SIMC1: variants seen among roughly 807,000 people sequenced by gnomAD.
The protein encoded by SIMC1 is SUMO-interacting motif-containing protein 1.
SIMC1 carries 55 observed loss-of-function variants against 82.3 expected under a neutral mutation model. The observed-to-expected ratio is 0.67, with a 90% CI of 0.54 to 0.84. The LOEUF (loss-of-function observed/expected upper bound fraction) is 0.84. Ranked by LOEUF, SIMC1 falls within the 40% of genes least tolerant of loss-of-function variation. The probability of loss-of-function intolerance (pLI) is 0.00; values close to 1 mark genes in which losing one functional copy is unlikely to be tolerated. For missense variants in SIMC1, 915 were observed against 1,107.2 expected (o/e 0.83, Z 2.46); for synonymous variants, 353 against 426.3 (o/e 0.83, Z 2.12).
chr5:176,332,836 C>T lies in SIMC1; in HGVS notation c.2172-3884C>T, dbSNP rs150580497. On this transcript the variant is annotated intron_variant, in intron 7 of 9. Coordinates refer to ENST00000429602, the MANE Select transcript of SIMC1 (RefSeq NM_001308195.2). ...ACAAAACTATAGTACAGTATCACAACCAGGATATTGTGATTGACATAAGCC... is the reference window on the plus strand; with the variant it reads ...ACAAAACTATAGTACAGTATCACAATCAGGATATTGTGATTGACATAAGCC... Among the ~76,000 whole-genome samples the T allele has an allele frequency of 4.9e-3, 746 of 152,256 alleles. 4 individuals carry two copies. Among genetic ancestry groups the T allele is most frequent in the Non-Finnish European group, 7.6e-3 (520 of 68,008 alleles).
chr5:176,313,922 A>G (rs1764786060), intron 5 of SIMC1, 77 bp downstream of exon 5: 2 of 1,580,126 alleles, frequency 1.3e-6, no homozygotes, highest in Admixed American at 1.8e-5. Flanking sequence ...CCAGAATATC[A>G]GCCAGGTGAG....
intron 1 of SIMC1, among the ~76,000 whole-genome samples, chr5:176,268,373 C>CAA (rs554849705): frequency 1.0e-4 from 10 of 95,660 alleles, no homozygotes; most frequent in African/African-American, 2.0e-4. Context: ...CAGACTGGAC[C>CAA]AAAAAAAAAA....
At chr5:176,316,219 A>G (rs962624913) in intron 5 of SIMC1, among the ~76,000 whole-genome samples, 2 of 152,182 alleles carry the variant, frequency 1.3e-5, no homozygotes, top group African/African-American at 4.8e-5. Flanking sequence ...AATAATTTAC[A>G]TAATGAGAAC....
intron 2 of SIMC1, among the ~76,000 whole-genome samples, chr5:176,291,330 ATTTTT>A (rs70991527): frequency 2.8e-5 from 2 of 71,610 alleles, no homozygotes; most frequent in Non-Finnish European, 2.6e-5. Context: ...TGCCCGGCTA[ATTTTT>A]TTTTTTTTTT....
At chr5:176,303,325 ATTTTTTT>A (rs374155075) in intron 4 of SIMC1, among the ~76,000 whole-genome samples, 1 of 123,180 alleles carries the variant, frequency 8.1e-6, no homozygotes, top group Non-Finnish European at 1.6e-5. Context: ...AGCCAAAGCA[ATTTTTTT>A]TTTTTTTTTT....
At chr5:176,264,592 T>G (rs1561677958) in intron 1 of SIMC1, among the ~76,000 whole-genome samples, 1 of 151,626 alleles carries the variant, frequency 6.6e-6, no homozygotes. Context: ...CCTCTAGGCC[T>G]TTTTCCCATT....
intron 4 of SIMC1, among the ~76,000 whole-genome samples, chr5:176,311,426 A>G (rs1376911032): frequency 6.6e-6 from 1 of 151,820 alleles, no homozygotes; most frequent in Non-Finnish European, 1.5e-5. Context: ...TTATTTTTGT[A>G]GAGATGGGGG....
chr5:176,270,538 C>T (rs1329195108), intron 1 of SIMC1: 1 of 152,098 alleles, frequency 6.6e-6, no homozygotes, highest in Non-Finnish European at 1.5e-5. Flanking sequence ...ATCACAGTAC[C>T]TGGTTTTAAC....
In SIMC1 at chr5:176,290,338, C is replaced by T. The variant is rs756201624; in HGVS notation, c.814C>T (p.Arg272Trp). The change falls in exon 2 of 10, where the codon CGG (arginine) becomes TGG (tryptophan). Residue 272 changes from arginine to tryptophan, a missense_variant. This residue lies in a region of SIMC1 where 902 missense variants were observed against 1,040.3 expected (regional missense o/e 0.87). Transcript: ENST00000429602. Reference sequence around the variant, plus strand: ...CCCACCTCAAGAAGTGCCATGCCCTCGGCAGAATATCCCAGGCCCACCTCA... The same window carrying T: ...CCCACCTCAAGAAGTGCCATGCCCTTGGCAGAATATCCCAGGCCCACCTCA... ...THPPQEVPCP[R>W]QNIPGPPQDS... 53 of 1,613,982 alleles carry T rather than the reference C, an allele frequency of 3.3e-5. No individual in the cohort carries two copies. The highest frequency in any genetic ancestry group is 4.4e-5 in the South Asian group (4 of 91,066).
intron 4 of SIMC1, among the ~76,000 whole-genome samples, chr5:176,302,870 T>G (rs995039306): frequency 6.6e-6 from 1 of 152,132 alleles, no homozygotes; most frequent in African/African-American, 2.4e-5. Context: ...ATTTGTATAC[T>G]GAAAACTACA....
chr5:176,336,735 T>G lies in SIMC1; in HGVS notation c.2187T>G (p.Thr729=). ...PERSQREMFF[T]TMESHLLRCK... ...CTCCACACAGAGAAATGTTCTTTAC[T>G]ACCATGGAAAGCCACCTTCTGCGCT... is the stretch of plus-strand genomic sequence containing the variant. Residue 729 remains threonine (T), a synonymous_variant, in exon 8 of 10, where the codon ACT becomes ACG. Coordinates refer to ENST00000429602, the MANE Select transcript of SIMC1 (RefSeq NM_001308195.2). 6.2e-7 allele frequency: 1 copy of G among 1,614,034 alleles called. No homozygotes were observed. The highest frequency in any genetic ancestry group is 8.5e-7 in the Non-Finnish European group (1 of 1,179,902).
chr5:176,251,413 A>G (rs796557768), intron 1 of SIMC1, among the ~76,000 whole-genome samples: 203 of 152,206 alleles, frequency 1.3e-3, no homozygotes, highest in African/African-American at 4.7e-3. Flanking sequence ...AGTGGCTGGT[A>G]CCGGTTTTTC....
At chr5:176,284,379 C>T (rs936147988) in intron 1 of SIMC1, among the ~76,000 whole-genome samples, 4 of 152,088 alleles carry the variant, frequency 2.6e-5, no homozygotes, top group African/African-American at 4.8e-5. Flanking sequence ...TCACTCAAAA[C>T]CGCTCAACTA....
chr5:176,323,190 A>G (rs1187785681), intron 6 of SIMC1, among the ~76,000 whole-genome samples: 1 of 152,112 alleles, frequency 6.6e-6, no homozygotes, highest in Non-Finnish European at 1.5e-5. Flanking sequence ...CTAATTTAGG[A>G]AACAATTTTA....
chr5:176,328,738 A>G (rs1469422050), intron 7 of SIMC1, among the ~76,000 whole-genome samples: 1 of 152,156 alleles, frequency 6.6e-6, no homozygotes, highest in African/African-American at 2.4e-5. Flanking sequence ...AAAATAAAGG[A>G]GAGCTAGCAT....
intron 1 of SIMC1, among the ~76,000 whole-genome samples, chr5:176,281,257 C>G (rs1432582038): frequency 6.6e-6 from 1 of 152,200 alleles, no homozygotes; most frequent in East Asian, 1.9e-4. Context: ...TCACGTAGTT[C>G]TCGAGCCTTG....
At chr5:176,331,345 G>T (rs1490596682) in intron 7 of SIMC1, among the ~76,000 whole-genome samples, 1 of 148,142 alleles carries the variant, frequency 6.8e-6, no homozygotes, top group Non-Finnish European at 1.5e-5. Context: ...ACTCCAGCCT[G>T]GGCGACAGAG....
intron 8 of SIMC1, 79 bp downstream of exon 8, chr5:176,336,955 G>A: frequency 6.2e-7 from 1 of 1,601,264 alleles, no homozygotes; most frequent in Non-Finnish European, 8.5e-7. Context: ...TAGGATTTTA[G>A]CTTAAAACAC....
At chr5:176,257,857 A>T (rs1304479545) in intron 1 of SIMC1, among the ~76,000 whole-genome samples, 2 of 152,264 alleles carry the variant, frequency 1.3e-5, no homozygotes, top group Non-Finnish European at 1.5e-5. Context: ...TAGGATATTT[A>T]ATAGCATCTC....
Sources: allele counts gnomAD v4.1 joint callset (sites outside exome capture counted in the v4.1 genomes callset), GRCh38; gene constraint gnomAD v4.1.1; regional missense constraint gnomAD v4.1.1; transcripts MANE v1.5; gene names NCBI Gene and HGNC (gene_info 2026-07-23, HGNC 2026-07-21).